The following CSGALNACT1 variants were observed in gnomAD, a reference collection of about 807,000 sequenced individuals.
CSGALNACT1 encodes the protein chondroitin sulfate N-acetylgalactosaminyltransferase 1.
CSGALNACT1 carries 52 observed loss-of-function variants against 51.0 expected under a neutral mutation model. The observed-to-expected ratio is 1.02, with a 90% CI of 0.82 to 1.29. The LOEUF (loss-of-function observed/expected upper bound fraction) is 1.29. Among genes scored for constraint, CSGALNACT1 ranks in the 50% most tolerant of loss-of-function variants. CSGALNACT1 has a pLI of 0.00. For synonymous variants in CSGALNACT1, 341 were observed against 254.4 expected (o/e 1.34, Z -3.24); for missense variants, 935 against 679.2 (o/e 1.38, Z -4.19).
At chr8:19,566,533 A>G (rs1355541472) in intron 3 of CSGALNACT1, among the ~76,000 whole-genome samples, 2 of 152,260 alleles carry the variant, frequency 1.3e-5, no homozygotes, top group Non-Finnish European at 2.9e-5. Flanking sequence ...TGTGCTACAC[A>G]TTATAAAAAA....
At chr8:19,597,675 G>A (rs922694930) in intron 2 of CSGALNACT1, among the ~76,000 whole-genome samples, 9 of 152,164 alleles carry the variant, frequency 5.9e-5, no homozygotes, top group Non-Finnish European at 1.0e-4. Flanking sequence ...TGCCTCCAAG[G>A]CAGCAGAGAA....
chr8:19,601,586 G>T (rs1200882403), intron 2 of CSGALNACT1, among the ~76,000 whole-genome samples, 185 bp downstream of exon 2: 1 of 152,176 alleles, frequency 6.6e-6, no homozygotes, highest in South Asian at 2.1e-4. Context: ...TGAATGAAAA[G>T]GATTCAATGG....
intron 4 of CSGALNACT1, among the ~76,000 whole-genome samples, chr8:19,460,086 C>G (rs1399452807): frequency 6.6e-6 from 1 of 152,104 alleles, no homozygotes; most frequent in African/African-American, 2.4e-5. Context: ...AATGTTTTCT[C>G]TACAGTCAGG....
intron 1 of CSGALNACT1, among the ~76,000 whole-genome samples, chr8:19,719,942 A>G (rs1181096484): frequency 6.6e-6 from 1 of 152,250 alleles, no homozygotes; most frequent in Admixed American, 6.5e-5. Context: ...AGGGTCTTCC[A>G]AGAAAGCTAT....
intron 3 of CSGALNACT1, among the ~76,000 whole-genome samples, chr8:19,581,538 C>G (rs768644755): frequency 1.3e-4 from 20 of 152,034 alleles, no homozygotes; most frequent in Non-Finnish European, 2.6e-4. Flanking sequence ...ACCAGGGAGT[C>G]GGAGGTTGCA....
chr8:19,446,140 A>C (rs892023297), intron 5 of CSGALNACT1, among the ~76,000 whole-genome samples: 1 of 152,120 alleles, frequency 6.6e-6, no homozygotes, highest in Non-Finnish European at 1.5e-5. Context: ...GTGCCAGTGC[A>C]CTCCAGCCTG....
At chr8:19,640,083 C>A (rs1488503682) in intron 1 of CSGALNACT1, among the ~76,000 whole-genome samples, 1 of 151,738 alleles carries the variant, frequency 6.6e-6, no homozygotes, top group African/African-American at 2.4e-5. Context: ...GCTGATGAGA[C>A]CTTTCAATGT....
intron 6 of CSGALNACT1, among the ~76,000 whole-genome samples, chr8:19,435,156 C>T (rs1247636943): frequency 6.6e-6 from 1 of 152,146 alleles, no homozygotes; most frequent in Non-Finnish European, 1.5e-5. Context: ...TAGTAAATGT[C>T]AACTTACAAT....
chr8:19,724,130 C>A (rs1012403648), intron 1 of CSGALNACT1, among the ~76,000 whole-genome samples: 1 of 152,168 alleles, frequency 6.6e-6, no homozygotes, highest in Non-Finnish European at 1.5e-5. Context: ...AGCAAGACCA[C>A]CGCTGCCCAG....
At chr8:19,467,493 T>C (rs1240849910) in intron 4 of CSGALNACT1, among the ~76,000 whole-genome samples, 1 of 152,092 alleles carries the variant, frequency 6.6e-6, no homozygotes, top group Non-Finnish European at 1.5e-5. Context: ...TCTCACCTCA[T>C]GAAGACCATC....
chr8:19,654,303 C>G (rs894939468), intron 1 of CSGALNACT1, among the ~76,000 whole-genome samples: 1 of 152,140 alleles, frequency 6.6e-6, no homozygotes, highest in African/African-American at 2.4e-5. Context: ...CTTTGAATTT[C>G]AAATAGGAAG....
intron 1 of CSGALNACT1, among the ~76,000 whole-genome samples, chr8:19,627,683 G>C (rs1203177102): frequency 6.6e-6 from 1 of 152,096 alleles, no homozygotes; most frequent in Non-Finnish European, 1.5e-5. Context: ...AAATTAGCCA[G>C]GTATGGTGGC....
chr8:19,541,582 T>G (rs2085166825), intron 3 of CSGALNACT1, among the ~76,000 whole-genome samples: 1 of 137,500 alleles, frequency 7.3e-6, no homozygotes, highest in Non-Finnish European at 1.6e-5. Flanking sequence ...TTTTTTTTAG[T>G]AGAGACAGGA....
chr8:19,535,608 T>C (rs1231988617), intron 3 of CSGALNACT1, among the ~76,000 whole-genome samples: 2 of 152,176 alleles, frequency 1.3e-5, no homozygotes, highest in Non-Finnish European at 2.9e-5. Flanking sequence ...CAGGTAGTGC[T>C]CCAAGTCAAT....
At chr8:19,505,228 G>A (rs1025904631) in exon 4 of CSGALNACT1, 1 of 1,614,030 alleles carries the variant, frequency 6.2e-7, no homozygotes, top group African/African-American at 1.3e-5. Context: ...GCCGTGTAAG[G>A]ACGGTGATTG....
chr8:19,617,214 G>A (rs951509328), intron 1 of CSGALNACT1, among the ~76,000 whole-genome samples: 3 of 152,134 alleles, frequency 2.0e-5, no homozygotes, highest in Non-Finnish European at 4.4e-5. Context: ...TTATCTGACA[G>A]GAGGCAGAGC....
In CSGALNACT1 at chr8:19,597,999, C is replaced by T. The variant is rs143462081; in HGVS notation, c.-416+3772G>A. ...GCCTGGGGCTCAGCAAAGGCTCCCC[C>T]CTTACCTGCCTCCCAAGATAAGTCT... On this transcript the variant is annotated intron_variant, in intron 2 of 9. Transcript: ENST00000454498. Among the ~76,000 whole-genome samples the T allele has an allele frequency of 8.3e-4, 126 of 152,302 alleles. 1 individual carries two copies. The highest frequency in any genetic ancestry group is 1.6e-3 in the Non-Finnish European group (107 of 68,010).
At chr8:19,489,146 T>C (rs1357975884) in intron 4 of CSGALNACT1, among the ~76,000 whole-genome samples, 1 of 152,080 alleles carries the variant, frequency 6.6e-6, no homozygotes, top group Non-Finnish European at 1.5e-5. Context: ...AGGGTGTCCC[T>C]AGAAGAGAGA....
At chr8:19,747,644 T>C (rs186904628) in intron 1 of CSGALNACT1, among the ~76,000 whole-genome samples, 83 of 152,314 alleles carry the variant, frequency 5.4e-4, no homozygotes, top group Admixed American at 1.2e-3. Flanking sequence ...TCTGGACTGA[T>C]GAATCAATTC....
Sources: allele counts gnomAD v4.1 joint callset (sites outside exome capture counted in the v4.1 genomes callset), GRCh38; gene constraint gnomAD v4.1.1; transcripts MANE v1.5; gene names NCBI Gene and HGNC (gene_info 2026-07-23, HGNC 2026-07-21).